Variants in PPFIA3 observed in about 807,000 individuals in gnomAD.
PPFIA3 encodes liprin-alpha-3.
A neutral mutation model predicts 145.8 loss-of-function variants in PPFIA3; 26 were observed. The observed-to-expected ratio is 0.18, with a 90% CI of 0.13 to 0.25. The LOEUF (loss-of-function observed/expected upper bound fraction) is 0.25. Among genes scored for constraint, PPFIA3 ranks in the 10% least tolerant of loss-of-function variants. The pLI is 1.00. For synonymous variants in PPFIA3, 645 were observed against 661.4 expected (o/e 0.98, Z 0.38); for missense variants, 1,008 against 1,587.8 (o/e 0.63, Z 6.21).
At position 49,149,640 on chromosome 19, in the gene PPFIA3, T is replaced by C. The variant is rs371528296; in HGVS notation, c.3448T>C (p.Leu1150=). The C allele has an allele frequency of 6.2e-7, 1 of 1,614,184 alleles. No individual in the cohort carries two copies. The highest frequency in any genetic ancestry group is 1.3e-5 in the African/African-American group (1 of 75,070). ...CGTAACTCCCGACTCAGCTGAGATGTTGCCCCCCAACTTTCGTTCGGCTGC... is the reference window on the plus strand; with the variant it reads ...CGTAACTCCCGACTCAGCTGAGATGCTGCCCCCCAACTTTCGTTCGGCTGC... ...RGVTPDSAEM[L]PPNFRSAAAG... The change falls in exon 28 of 30, where the codon TTG becomes CTG. Residue 1150 remains leucine (L), a synonymous_variant. Coordinates refer to ENST00000334186, the MANE Select transcript of PPFIA3 (RefSeq NM_003660.4). The surrounding 1 kb of genome is among the most constrained non-coding windows in gnomAD (Gnocchi z 5.7).
At position 49,126,415 on chromosome 19, in the gene PPFIA3, A is replaced by AT. The variant is rs531348791; in HGVS notation, c.-15-1436dup. On this transcript the variant is annotated intron_variant, in intron 1 of 29. Coordinates refer to ENST00000334186, the MANE Select transcript of PPFIA3 (RefSeq NM_003660.4). ...AGGTGCATGCCACCATGCCCGGCTA[A>AT]TTTTTTTTGTATTTTTAGTAGAGAC... Among the ~76,000 whole-genome samples the AT allele has an allele frequency of 1.8e-3, 277 of 151,118 alleles. 2 individuals carry two copies. Among genetic ancestry groups the AT allele is most frequent in the African/African-American group, 6.3e-3 (258 of 41,108 alleles).
Position 49,128,539 on chromosome 19 carries a change from C to G in PPFIA3, c.342+71C>G. ...GGTGTTGAAGTGGGGGGCGGGGCCTCTCAGTGTTGCAGCGTGACCTATTTT... is the reference window on the plus strand; with the variant it reads ...GGTGTTGAAGTGGGGGGCGGGGCCTGTCAGTGTTGCAGCGTGACCTATTTT... On this transcript the variant is annotated intron_variant, in intron 3 of 29. Coordinates refer to ENST00000334186, the MANE Select transcript of PPFIA3 (RefSeq NM_003660.4). This position sits in a 1 kb window ranked among gnomAD's most constrained non-coding sequence, Gnocchi z 4.1. 3 of 1,384,728 alleles carry G rather than the reference C, an allele frequency of 2.2e-6. No homozygotes were observed. The highest frequency in any genetic ancestry group is 2.4e-4 in the Middle Eastern group (1 of 4,166). 85.8% of individuals were successfully genotyped at this position (1,384,728 alleles called of 1,614,324 possible).
chr19:49,150,400 C>T lies in PPFIA3; in HGVS notation c.*178C>T, dbSNP rs1197091707. The T allele has an allele frequency of 2.1e-5, 9 of 433,104 alleles. No individual in the cohort carries two copies. Among genetic ancestry groups the T allele is most frequent in the Non-Finnish European group, 3.3e-5 (8 of 239,738 alleles). The allele number at this position is 433,104 out of a possible 1,614,324, so 26.8% of individuals were successfully genotyped here. On this transcript the variant is annotated 3_prime_UTR_variant, in exon 30 of 30. Transcript: ENST00000334186. The stretch of plus-strand genomic sequence containing the variant: ...GCGCCCGCCTCGCACAGGGCCGGGG[C>T]CTGGACCAAACCACATGAACTGGAC...
At chr19:49,137,116 C>T (rs546618736) in intron 15 of PPFIA3, 2 of 443,258 alleles carry the variant, frequency 4.5e-6, no homozygotes, top group South Asian at 1.2e-4. Context: ...CATATACCCC[C>T]CAGCCAGTAC....
chr19:49,119,833 G>C (rs1199721496), intron 1 of PPFIA3, 111 bp downstream of exon 1: 1 of 150,980 alleles, frequency 6.6e-6, no homozygotes, highest in Non-Finnish European at 1.5e-5. Flanking sequence ...GGGGACCCCC[G>C]AGCCCAGATT....
intron 1 of PPFIA3, among the ~76,000 whole-genome samples, chr19:49,127,481 C>A (rs1455194022): frequency 2.7e-5 from 4 of 149,914 alleles, no homozygotes; most frequent in African/African-American, 4.9e-5. Context: ...TGCCTGTAGT[C>A]GCAGCTACTC....
chr19:49,121,790 A>T lies in PPFIA3; in HGVS notation c.-16+2068A>T, dbSNP rs1016739864. The stretch of plus-strand genomic sequence containing the variant: ...AAACTCTGTCTCAAAAAAAAATTTT[A>T]TTTATTTATTTATTTATTTATTTTT... On this transcript the variant is annotated intron_variant, in intron 1 of 29. Transcript: ENST00000334186. 3.3e-5 allele frequency among the ~76,000 whole-genome samples: 5 copies of T among 151,792 alleles called. No individual in the cohort carries two copies. In the South Asian group the frequency reaches 6.2e-4, roughly 19 times the overall value.
rs746787657 is a variant in PPFIA3 at position 49,149,749 on chromosome 19, C to T, written c.3526+31C>T. 1.3e-6 allele frequency: 2 copies of T among 1,577,182 alleles called. No individual in the cohort carries two copies. The highest frequency in any genetic ancestry group is 1.8e-5 in the Admixed American group (1 of 56,250). On this transcript the variant is annotated intron_variant, in intron 28 of 29. Coordinates refer to ENST00000334186, the MANE Select transcript of PPFIA3 (RefSeq NM_003660.4). The surrounding 1 kb of genome is among the most constrained non-coding windows in gnomAD (Gnocchi z 5.7). ...GGGCTCCCAAATGCGACAGCCCTTC[C>T]TCGCTTCCCTAGGGTGGGGCATGGA... is the stretch of plus-strand genomic sequence containing the variant.
intron 18 of PPFIA3, among the ~76,000 whole-genome samples, 175 bp downstream of exon 18, chr19:49,140,263 G>A (rs2041202576): frequency 6.6e-6 from 1 of 152,162 alleles, no homozygotes; most frequent in African/African-American, 2.4e-5. Flanking sequence ...GGAGGGAAAA[G>A]GAAAGGGCAC....
Position 49,142,069 on chromosome 19 carries a change from T to C in PPFIA3, c.2498T>C (p.Leu833Pro). ...CTGGAGGAGGCCTGCCGCCAGGGCC[T>C]ACCTTTTGCTGCCTGGGACGGGCCC... ...ELLEEACRQGLPFAAWDGPTV... is the reference protein window; with the variant it reads ...ELLEEACRQGPPFAAWDGPTV... The change falls in exon 20 of 30, where the codon CTA (leucine) becomes CCA (proline). Residue 833 changes from leucine (L) to proline (P), a missense_variant. Leu to Pro is a moderately conservative substitution (Grantham distance 98). Transcript: ENST00000334186. The C allele has an allele frequency of 6.3e-7, 1 of 1,578,024 alleles. No homozygotes were observed. Among genetic ancestry groups the C allele is most frequent in the Non-Finnish European group, 8.6e-7 (1 of 1,161,708 alleles).
At chr19:49,146,331 T>C (rs983197529) in intron 23 of PPFIA3, 139 bp downstream of exon 23, 7 of 1,099,868 alleles carry the variant, frequency 6.4e-6, no homozygotes, top group Non-Finnish European at 9.1e-6. Flanking sequence ...AGCTTGGCTC[T>C]GGACTGTTCC....
At chr19:49,140,280 A>G (rs7246646) in intron 18 of PPFIA3, among the ~76,000 whole-genome samples, 192 bp downstream of exon 18, 75,821 of 151,986 alleles carry the variant, frequency 0.5, 19,626 homozygotes, top group African/African-American at 0.64. Flanking sequence ...GCACTCTGGG[A>G]CCTGCTTGGG....
rs758839449 is a variant in PPFIA3, at chr19:49,139,758, C to T, written c.2167C>T (p.Arg723Cys). 52 of 1,613,870 alleles carry T rather than the reference C, an allele frequency of 3.2e-5. No individual in the cohort carries two copies. The highest frequency in any genetic ancestry group is 1.3e-4 in the East Asian group (6 of 44,876). Residue 723 changes from arginine (R) to cysteine (C), a missense_variant, in exon 17 of 30, where the codon CGT becomes TGT. Physicochemically the swap from Arg to Cys is radical, Grantham distance 180 (BLOSUM62 -3). Transcript: ENST00000334186. ...CCCACCACCCACTCCCCGCTCTGCC[C>T]GTCTTGAGAGAATGACCCAGGCCTT... ...DTPPPTPRSA[R>C]LERMTQALAL...
chr19:49,129,372 A>G lies in PPFIA3; in HGVS notation c.508-8A>G. 1 of 1,548,174 alleles carries G rather than the reference A, an allele frequency of 6.5e-7. No homozygotes were observed. Among genetic ancestry groups the G allele is most frequent in the Non-Finnish European group, 8.7e-7 (1 of 1,146,906 alleles). On this transcript the variant is annotated splice_region_variant and splice_polypyrimidine_tract_variant and intron_variant, in intron 4 of 29. Transcript: ENST00000334186. ...TCCAGCTGACTGTTGCCCTGCCCCG[A>G]TCCCCAGGTCCGGGAGCGGCTGCGG...
Position 49,128,537 on chromosome 19 carries a change from C to G in PPFIA3, c.342+69C>G. The G allele has an allele frequency of 1.4e-6, 2 of 1,402,336 alleles. No individual in the cohort carries two copies. Among genetic ancestry groups the G allele is most frequent in the South Asian group, 2.3e-5 (2 of 85,444 alleles). The allele number at this position is 1,402,336 out of a possible 1,614,324, so 86.9% of individuals were successfully genotyped here. A position where few individuals can be genotyped will look rare whatever the true frequency, so the allele number is the denominator to read the frequency against. ...GTGGTGTTGAAGTGGGGGGCGGGGC[C>G]TCTCAGTGTTGCAGCGTGACCTATT... On this transcript the variant is annotated intron_variant, in intron 3 of 29. Coordinates refer to ENST00000334186, the MANE Select transcript of PPFIA3 (RefSeq NM_003660.4). The surrounding 1 kb of genome is among the most constrained non-coding windows in gnomAD (Gnocchi z 4.1).
chr19:49,150,852 C>T lies in PPFIA3; in HGVS notation c.*630C>T, dbSNP rs2041341656. 6.3e-6 allele frequency: 1 copy of T among 157,780 alleles called. No homozygotes were observed. Among genetic ancestry groups the T allele is most frequent in the Admixed American group, 6.4e-5 (1 of 15,566 alleles). The allele number at this position is 157,780 out of a possible 1,614,324, so 9.8% of individuals were successfully genotyped here. On this transcript the variant is annotated 3_prime_UTR_variant, in exon 30 of 30. Coordinates refer to ENST00000334186, the MANE Select transcript of PPFIA3 (RefSeq NM_003660.4). ...GGTAGGGGGCGCAGAATGGCGCTTC[C>T]CCTTCTCCTCTGGCTCCGGGGTTTG...
At position 49,148,072 on chromosome 19, in the gene PPFIA3, C is replaced by A; in HGVS notation, c.2836-11C>A. 6.2e-7 allele frequency: 1 copy of A among 1,607,330 alleles called. No homozygotes were observed. The highest frequency in any genetic ancestry group is 1.1e-5 in the South Asian group (1 of 89,814). On this transcript the variant is annotated splice_polypyrimidine_tract_variant and intron_variant, in intron 23 of 29. Transcript: ENST00000334186. ...GGGCCTGACTCTTCCCTCACCTGCC[C>A]ATGGCCCCAGATCCTGGCATATGGC...
chr19:49,149,755 T>G lies in PPFIA3; in HGVS notation c.3526+37T>G. On this transcript the variant is annotated intron_variant, in intron 28 of 29. Coordinates refer to ENST00000334186, the MANE Select transcript of PPFIA3 (RefSeq NM_003660.4). The surrounding 1 kb of genome is among the most constrained non-coding windows in gnomAD (Gnocchi z 5.7). ...CCAAATGCGACAGCCCTTCCTCGCT[T>G]CCCTAGGGTGGGGCATGGACCACCT... 1 of 1,570,806 alleles carries G rather than the reference T, an allele frequency of 6.4e-7. No individual in the cohort carries two copies. The highest frequency in any genetic ancestry group is 8.6e-7 in the Non-Finnish European group (1 of 1,161,480).
rs769461712 is a variant in PPFIA3 at position 49,128,400 on chromosome 19, T to G, written c.274T>G (p.Cys92Gly). 1 of 1,611,462 alleles carries G rather than the reference T, an allele frequency of 6.2e-7. No individual in the cohort carries two copies. Among genetic ancestry groups the G allele is most frequent in the Non-Finnish European group, 8.5e-7 (1 of 1,179,068 alleles). ...FAALTKELNL[C>G]REQLLEREEE... ...AGCTCTGACGAAGGAGCTGAACTTA[T>G]GTCGGGAGCAGCTGCTGGAGAGGGA... The change falls in exon 3 of 30, where the codon TGT becomes GGT. Residue 92 changes from cysteine to glycine, a missense_variant. This residue lies in a region of PPFIA3 where 108 missense variants were observed against 144.3 expected (regional missense o/e 0.75). Transcript: ENST00000334186. The surrounding 1 kb of genome is among the most constrained non-coding windows in gnomAD (Gnocchi z 4.1).
Sources: allele counts gnomAD v4.1 joint callset (sites outside exome capture counted in the v4.1 genomes callset), GRCh38; gene constraint gnomAD v4.1.1; regional missense constraint gnomAD v4.1.1; non-coding constraint Gnocchi (gnomAD v3.1); transcripts MANE v1.5; gene names NCBI Gene and HGNC (gene_info 2026-07-23, HGNC 2026-07-21).